CARMIL1: variants seen among roughly 807,000 people sequenced by gnomAD.
CARMIL1 encodes capping protein regulator and myosin 1 linker 1.
In CARMIL1, 90 loss-of-function variants were observed where a neutral mutation model predicts 177.1. The ratio of observed to expected loss-of-function variants is 0.51; its 90% CI spans 0.43 to 0.61. The LOEUF is 0.61. Among genes scored for constraint, CARMIL1 ranks in the 20% least tolerant of loss-of-function variants. The pLI, the probability that CARMIL1 is intolerant of heterozygous loss-of-function variation, is 0.00. For missense variants in CARMIL1, 1,380 were observed against 1,667.0 expected (o/e 0.83, Z 3.00); for synonymous variants, 577 against 606.2 (o/e 0.95, Z 0.71).
chr6:25,286,658 A>G (rs2690043), intron 2 of CARMIL1, among the ~76,000 whole-genome samples: 7,590 of 152,272 alleles, frequency 0.05, 591 homozygotes, highest in African/African-American at 0.17. Flanking sequence ...GTAACTTTAT[A>G]AGATGAATCA....
intron 2 of CARMIL1, among the ~76,000 whole-genome samples, chr6:25,332,432 G>A (rs989870180): frequency 2.2e-4 from 34 of 152,134 alleles, no homozygotes; most frequent in Admixed American, 3.3e-4. Context: ...TGAAGGTGTA[G>A]AGAAGTGGGT....
At chr6:25,444,168 T>G (rs1798009844) in intron 5 of CARMIL1, among the ~76,000 whole-genome samples, 2 of 152,138 alleles carry the variant, frequency 1.3e-5, no homozygotes, top group Non-Finnish European at 1.5e-5. Context: ...CTTTCATGAG[T>G]GATTTCTCTG....
chr6:25,594,814 C>T (rs1814660791), intron 32 of CARMIL1, among the ~76,000 whole-genome samples: 2 of 152,160 alleles, frequency 1.3e-5, no homozygotes, highest in African/African-American at 4.8e-5. Context: ...AGGCATGCTC[C>T]AGTTTGAGAC....
At chr6:25,526,561 T>A (rs1187837374) in intron 23 of CARMIL1, among the ~76,000 whole-genome samples, 1 of 151,742 alleles carries the variant, frequency 6.6e-6, no homozygotes, top group Non-Finnish European at 1.5e-5. Context: ...GTTCTTTTTT[T>A]TTTTCTTCTG....
chr6:25,464,713 T>A (rs1800440036), intron 8 of CARMIL1, among the ~76,000 whole-genome samples: 1 of 152,128 alleles, frequency 6.6e-6, no homozygotes, highest in Non-Finnish European at 1.5e-5. Context: ...CAACAAACTA[T>A]AATATAAGAT....
chr6:25,316,612 A>T (rs981752171), intron 2 of CARMIL1, among the ~76,000 whole-genome samples: 4 of 151,930 alleles, frequency 2.6e-5, no homozygotes, highest in African/African-American at 9.7e-5. Context: ...GGGTTTCATC[A>T]TGTTGGTCAG....
intron 2 of CARMIL1, among the ~76,000 whole-genome samples, chr6:25,318,381 C>G (rs1447149947): frequency 6.6e-6 from 1 of 152,150 alleles, no homozygotes; most frequent in African/African-American, 2.4e-5. Flanking sequence ...ATATATGTGA[C>G]CCTGGTTATC....
chr6:25,445,659 C>T (rs1026375512), intron 5 of CARMIL1, among the ~76,000 whole-genome samples: 5 of 151,672 alleles, frequency 3.3e-5, no homozygotes, highest in African/African-American at 9.7e-5. Flanking sequence ...CTCAGCCTTC[C>T]GAGTAACTGG....
intron 1 of CARMIL1, among the ~76,000 whole-genome samples, chr6:25,281,712 C>T (rs1239061355): frequency 1.3e-5 from 2 of 152,140 alleles, no homozygotes; most frequent in African/African-American, 4.8e-5. Context: ...CTGCTTTCCT[C>T]TAAATTCAAG....
chr6:25,471,521 C>T (rs562019557), intron 10 of CARMIL1, among the ~76,000 whole-genome samples: 21 of 152,264 alleles, frequency 1.4e-4, no homozygotes, highest in Middle Eastern at 3.4e-3. Context: ...AGCCAGATGT[C>T]TCCTGGCCTT....
intron 2 of CARMIL1, among the ~76,000 whole-genome samples, chr6:25,325,546 G>A (rs1449265350): frequency 1.3e-5 from 2 of 152,160 alleles, no homozygotes; most frequent in Non-Finnish European, 2.9e-5. Flanking sequence ...GGCTTAAAGG[G>A]AATTATTCGA....
intron 32 of CARMIL1, among the ~76,000 whole-genome samples, chr6:25,597,933 C>T (rs1011527580): frequency 6.6e-6 from 1 of 152,172 alleles, no homozygotes; most frequent in Non-Finnish European, 1.5e-5. Flanking sequence ...CCATTATCTT[C>T]TAGCTTCCGG....
In CARMIL1 at chr6:25,321,292, TAG is replaced by T. The variant is rs1784655596; in HGVS notation, c.138+36386_138+36387del. 2.0e-5 allele frequency among the ~76,000 whole-genome samples: 3 copies of T among 152,294 alleles called. No individual in the cohort carries two copies. In the South Asian group the frequency reaches 6.2e-4, roughly 32 times the overall value. The stretch of plus-strand genomic sequence containing the variant: ...AGGGGGTTCTGTGGCAAAACAAGAA[TAG>T]AGTCTTTGCATTTGACTTCTCAGAC... On this transcript the variant is annotated intron_variant, in intron 2 of 36. Coordinates refer to ENST00000329474, the MANE Select transcript of CARMIL1 (RefSeq NM_017640.6).
intron 2 of CARMIL1, among the ~76,000 whole-genome samples, chr6:25,341,797 C>T (rs1454667807): frequency 2.6e-5 from 4 of 152,200 alleles, no homozygotes; most frequent in Admixed American, 2.6e-4. Flanking sequence ...GTTTTTCTAA[C>T]TGAATTTAAG....
At chr6:25,501,159 G>A (rs1804285927) in intron 17 of CARMIL1, among the ~76,000 whole-genome samples, 1 of 152,032 alleles carries the variant, frequency 6.6e-6, no homozygotes, top group Admixed American at 6.5e-5. Context: ...AAACTATATG[G>A]CCTGTTCAGA....
At chr6:25,473,878 A>C (rs980172146) in intron 11 of CARMIL1, among the ~76,000 whole-genome samples, 7 of 152,234 alleles carry the variant, frequency 4.6e-5, no homozygotes, top group Non-Finnish European at 1.0e-4. Flanking sequence ...TAGTTCACGA[A>C]GAGTCAGAAC....
chr6:25,440,025 C>A (rs1344589131), intron 5 of CARMIL1, among the ~76,000 whole-genome samples: 3 of 152,150 alleles, frequency 2.0e-5, no homozygotes, highest in Admixed American at 2.0e-4. Flanking sequence ...TAAACAAAGA[C>A]CATGTTTTTA....
chr6:25,527,287 G>A (rs1807247506), intron 23 of CARMIL1, among the ~76,000 whole-genome samples: 1 of 152,128 alleles, frequency 6.6e-6, no homozygotes, highest in East Asian at 1.9e-4. Context: ...TACAGGCCTG[G>A]TATTAAAGTC....
At chr6:25,423,156 A>G (rs1647419493) in intron 3 of CARMIL1, among the ~76,000 whole-genome samples, 1 of 152,248 alleles carries the variant, frequency 6.6e-6, no homozygotes, top group South Asian at 2.1e-4. Context: ...ACATTAGTGT[A>G]AAGCACTGAC....
Sources: gnomAD v4.1 joint callset for allele counts (sites outside exome capture counted in the v4.1 genomes callset) on GRCh38, gnomAD v4.1.1 for gene constraint, MANE v1.5 for transcripts, NCBI Gene and HGNC (gene_info 2026-07-23, HGNC 2026-07-21) for gene names.